The following GRIA3 variants were observed in gnomAD, a reference collection of about 807,000 sequenced individuals.
GRIA3 encodes the protein glutamate ionotropic receptor AMPA type subunit 3.
In GRIA3, 3 loss-of-function variants were observed where a neutral mutation model predicts 63.0. That is an observed-to-expected ratio of 0.05 (90% CI 0.02 to 0.12). GRIA3 has a LOEUF of 0.12. Among genes scored for constraint, GRIA3 ranks in the 10% least tolerant of loss-of-function variants. The pLI, the probability that GRIA3 is intolerant of heterozygous loss-of-function variation, is 1.00. For missense variants in GRIA3, 347 were observed against 700.9 expected, an observed-to-expected ratio of 0.50 and a Z score of 5.70; for synonymous variants, 274 against 257.9, an observed-to-expected ratio of 1.06 and a Z score of -0.60.
At chrX:123,264,354 T>C (rs1408592831) in intron 3 of GRIA3, among the ~76,000 whole-genome samples, 1 of 111,226 alleles carries the variant, frequency 9.0e-6, no homozygotes, top group Non-Finnish European at 1.9e-5. Flanking sequence ...ACTATTGCAG[T>C]AGGGAAAAGC....
At chrX:123,207,165 CAA>C (rs10710717) in intron 2 of GRIA3, among the ~76,000 whole-genome samples, 33,923 of 98,047 alleles carry the variant, frequency 0.35, 4,278 homozygotes, top group Middle Eastern at 0.45. Context: ...TTATAATTTG[CAA>C]AAAAAAAAAA....
chrX:123,297,231 T>C (rs1046879975), intron 3 of GRIA3, among the ~76,000 whole-genome samples: 3 of 111,488 alleles, frequency 2.7e-5, no homozygotes, highest in Non-Finnish European at 5.7e-5. Flanking sequence ...TTCTGTGCCA[T>C]GGGAACAGTT....
At chrX:123,239,829 A>G (rs1225709441) in intron 2 of GRIA3, among the ~76,000 whole-genome samples, 1 of 112,148 alleles carries the variant, frequency 8.9e-6, no homozygotes, top group Non-Finnish European at 1.9e-5. Flanking sequence ...GTAACTGAGA[A>G]AAGTGTAGTC....
intron 5 of GRIA3, among the ~76,000 whole-genome samples, chrX:123,367,469 C>T (rs2045218437): frequency 9.4e-6 from 1 of 106,760 alleles, no homozygotes; most frequent in African/African-American, 3.4e-5. Context: ...CAGAGTTTTG[C>T]CCTGTCACCC....
At chrX:123,481,385 C>T (rs909216459) in intron 14 of GRIA3, among the ~76,000 whole-genome samples, 1 of 112,221 alleles carries the variant, frequency 8.9e-6, no homozygotes, top group Non-Finnish European at 1.9e-5. Flanking sequence ...ATGAGGCATT[C>T]CCACACCCCG....
chrX:123,234,009 C>T (rs936064127), intron 2 of GRIA3, among the ~76,000 whole-genome samples: 1 of 111,574 alleles, frequency 9.0e-6, no homozygotes, highest in African/African-American at 3.3e-5. Context: ...GGCCTCAAAA[C>T]ATTGTTCCTT....
chrX:123,383,374 C>T (rs749646307), intron 5 of GRIA3, among the ~76,000 whole-genome samples: 1 of 111,291 alleles, frequency 9.0e-6, no homozygotes, highest in East Asian at 2.8e-4. Flanking sequence ...AACAAGAGAA[C>T]TTTTCCCTTC....
At chrX:123,471,990 C>CATACATATATATATATATATAT (rs2045864956) in intron 13 of GRIA3, among the ~76,000 whole-genome samples, 1 of 13,415 alleles carries the variant, frequency 7.5e-5, no homozygotes, top group African/African-American at 2.0e-4. Context: ...CAATGGCATT[C>CATACATATATATATATATATAT]ATATATATAT....
chrX:123,452,731 G>A (rs969236537), intron 12 of GRIA3, among the ~76,000 whole-genome samples: 1 of 111,819 alleles, frequency 8.9e-6, no homozygotes. Context: ...TGGAGATGCC[G>A]TTTCATTGAA....
chrX:123,224,244 G>A (rs2044233393), intron 2 of GRIA3, among the ~76,000 whole-genome samples: 1 of 111,866 alleles, frequency 8.9e-6, no homozygotes, highest in Admixed American at 9.5e-5. Flanking sequence ...AAATGATGGA[G>A]ATTTTTCTTA....
intron 1 of GRIA3, 121 bp downstream of exon 1, chrX:123,184,765 G>A: frequency 3.7e-6 from 2 of 543,735 alleles, no homozygotes; most frequent in South Asian, 2.4e-5. Context: ...GACTGGGGCC[G>A]GGACCGGGCA....
At chrX:123,324,057 C>T (rs1467570638) in intron 3 of GRIA3, among the ~76,000 whole-genome samples, 4 of 111,251 alleles carry the variant, frequency 3.6e-5, no homozygotes, top group African/African-American at 9.8e-5. Context: ...ATAAAAGTAA[C>T]GGTGGAAGGA....
intron 5 of GRIA3, among the ~76,000 whole-genome samples, chrX:123,357,977 AT>A (rs1342219709): frequency 4.5e-5 from 5 of 111,061 alleles, no homozygotes; most frequent in African/African-American, 1.6e-4. Flanking sequence ...TCTGATGATA[AT>A]AATAATGAGC....
chrX:123,279,261 T>C (rs1038072082), intron 3 of GRIA3, among the ~76,000 whole-genome samples: 7 of 111,374 alleles, frequency 6.3e-5, no homozygotes, highest in Non-Finnish European at 1.3e-4. Context: ...AAAGGATACA[T>C]AATTACAGTT....
chrX:123,303,065 A>G (rs1238343379), intron 3 of GRIA3, among the ~76,000 whole-genome samples: 1 of 111,572 alleles, frequency 9.0e-6, no homozygotes, highest in East Asian at 2.8e-4. Flanking sequence ...GGACTACTGC[A>G]ACATTTATTT....
intron 13 of GRIA3, chrX:123,465,666 G>A (rs2045830019): frequency 3.5e-6 from 4 of 1,149,061 alleles, no homozygotes; most frequent in Non-Finnish European, 4.8e-6. Context: ...ATGTTTTATC[G>A]TTTCAAGAAA....
intron 2 of GRIA3, among the ~76,000 whole-genome samples, chrX:123,213,669 A>G (rs1224629071): frequency 8.9e-6 from 1 of 112,297 alleles, no homozygotes; most frequent in Non-Finnish European, 1.9e-5. Flanking sequence ...CGGTGCCAAG[A>G]GTAACTTCCT....
At chrX:123,437,270 G>A (rs1404409411) in intron 12 of GRIA3, among the ~76,000 whole-genome samples, 1 of 110,466 alleles carries the variant, frequency 9.1e-6, no homozygotes. Flanking sequence ...CTTGCATTCT[G>A]TTGGAAGGAG....
rs1294396956 is a variant in GRIA3 at position 123,346,490 on chromosome X, A to C, written c.697-8420A>C. ...AGAGCAAGGCTCTTCTGAAATCAAG[A>C]GAAATAGCCCTCTAAAACACATCTC... On this transcript the variant is annotated intron_variant, in intron 4 of 15. Coordinates refer to ENST00000620443, the MANE Select transcript of GRIA3 (RefSeq NM_007325.5). Among the ~76,000 whole-genome samples the C allele has an allele frequency of 6.2e-5, 7 of 112,177 alleles. No individual in the cohort carries two copies. The East Asian group carries it at 2.0e-3, about 31-fold the overall frequency.
Sources: allele counts gnomAD v4.1 joint callset (sites outside exome capture counted in the v4.1 genomes callset), GRCh38; gene constraint gnomAD v4.1.1; transcripts MANE v1.5; gene names NCBI Gene and HGNC (gene_info 2026-07-23, HGNC 2026-07-21).